The following TTC34 variants were observed in gnomAD, a reference collection of about 807,000 sequenced individuals.
The protein encoded by TTC34 is tetratricopeptide repeat protein 34.
In TTC34, 44 loss-of-function variants were observed where a neutral mutation model predicts 40.7. The observed-to-expected ratio is 1.08, with a 90% CI of 0.85 to 1.39. The LOEUF (loss-of-function observed/expected upper bound fraction) is 1.39. Ranked by LOEUF, TTC34 falls within the 40% of genes most tolerant of loss-of-function variation. The pLI is 0.00. For missense variants in TTC34, 884 were observed against 838.0 expected, an observed-to-expected ratio of 1.05 and a Z score of -0.68; for synonymous variants, 422 against 398.6, an observed-to-expected ratio of 1.06 and a Z score of -0.70.
intron 6 of TTC34, chr1:2,774,986 C>G (rs1443333151): frequency 9.1e-5 from 11 of 120,948 alleles, no homozygotes; most frequent in Non-Finnish European, 1.9e-4. Context: ...GCACCCTGCA[C>G]CCCCAGGTGA....
chr1:2,683,791 C>G (rs1464064372), intron 6 of TTC34, among the ~76,000 whole-genome samples: 1 of 145,050 alleles, frequency 6.9e-6, no homozygotes, highest in East Asian at 2.0e-4. Flanking sequence ...GCAGCACGCA[C>G]ACCCCCAGTT....
chr1:2,683,369 ATGG>A (rs1467926390), intron 6 of TTC34, among the ~76,000 whole-genome samples: 9 of 134,806 alleles, frequency 6.7e-5, no homozygotes, highest in Admixed American at 1.6e-4. Context: ...TGAGCATCTG[ATGG>A]CTTGGAACAG....
At chr1:2,677,025 C>CGT (rs1639930956) in intron 6 of TTC34, among the ~76,000 whole-genome samples, 1 of 69,312 alleles carries the variant, frequency 1.4e-5, no homozygotes, top group African/African-American at 4.6e-5. Flanking sequence ...GGCCAGCATC[C>CGT]GATAACCTGG....
In TTC34 at chr1:2,687,223, C is replaced by T. The variant is rs374005879; in HGVS notation, c.2227-41660G>A. ...CCCACACCTCCCGGCGAGCATCCGA[C>T]AGCCTGGAGCAGCACCCACACCCCC... On this transcript the variant is annotated intron_variant, in intron 6 of 8. Transcript: ENST00000401095. Among the ~76,000 whole-genome samples, 118 of 144,682 alleles carry T rather than the reference C, an allele frequency of 8.2e-4. No homozygotes were observed. In the East Asian group the frequency reaches 0.011, roughly 14 times the overall value. The allele number at this position is 144,682 out of a possible 152,430, so 94.9% of individuals were successfully genotyped here.
chr1:2,753,745 C>T (rs1472837278), intron 6 of TTC34, among the ~76,000 whole-genome samples: 9 of 75,266 alleles, frequency 1.2e-4, no homozygotes, highest in Non-Finnish European at 1.9e-4. Context: ...CACCCACAAG[C>T]GAGCATCTGA....
Position 2,645,201 on chromosome 1 carries a change from T to C in TTC34, c.2497+92A>G. On this transcript the variant is annotated intron_variant, in intron 7 of 8. Coordinates refer to ENST00000401095, the Ensembl canonical transcript of TTC34. This position sits in a 1 kb window ranked among gnomAD's most constrained non-coding sequence, Gnocchi z 4.7. ...GGAAGCTGTTGTGGTCCGGGTCTCTTTCTTCCATTTTTACAGAACAGGATA... is the reference window on the plus strand; with the variant it reads ...GGAAGCTGTTGTGGTCCGGGTCTCTCTCTTCCATTTTTACAGAACAGGATA... The C allele has an allele frequency of 2.2e-6, 3 of 1,342,224 alleles. No homozygotes were observed. In the South Asian group the frequency reaches 5.6e-5, roughly 25 times the overall value. The allele number at this position is 1,342,224 out of a possible 1,614,324, so 83.1% of individuals were successfully genotyped here.
chr1:2,649,571 C>G (rs1414120027), intron 6 of TTC34, among the ~76,000 whole-genome samples: 5 of 151,988 alleles, frequency 3.3e-5, no homozygotes, highest in African/African-American at 1.2e-4. Context: ...GATGGAGTCT[C>G]TCTCTGTCGC....
intron 6 of TTC34, among the ~76,000 whole-genome samples, chr1:2,769,616 G>A (rs1198995183): frequency 2.3e-5 from 3 of 130,206 alleles, no homozygotes; most frequent in South Asian, 5.3e-4. Flanking sequence ...TGACAGCCTG[G>A]AACAGCACCC....
At chr1:2,685,093 G>T (rs1392374205) in intron 6 of TTC34, among the ~76,000 whole-genome samples, 1 of 114,260 alleles carries the variant, frequency 8.8e-6, no homozygotes. Flanking sequence ...AGGTGTGCAC[G>T]TGACAGCTTG....
At position 2,750,393 on chromosome 1, in the gene TTC34, C is replaced by G. The variant is rs1192501910; in HGVS notation, c.2226+33216G>C. ...GAGGTGAGCATCTGACAGCCTGGAA[C>G]AGCACGCACACCCCCAGGTGCGCAC... On this transcript the variant is annotated intron_variant, in intron 6 of 8. Transcript: ENST00000401095. Among the ~76,000 whole-genome samples, 2 of 104,074 alleles carry G rather than the reference C, an allele frequency of 1.9e-5. 1 individual carries two copies. Among genetic ancestry groups the G allele is most frequent in the African/African-American group, 8.9e-5 (2 of 22,386 alleles). 68.3% of individuals were successfully genotyped at this position (104,074 alleles called of 152,430 possible).
intron 6 of TTC34, among the ~76,000 whole-genome samples, chr1:2,756,613 A>T (rs1641513818): frequency 8.0e-5 from 12 of 150,904 alleles, no homozygotes; most frequent in South Asian, 2.1e-4. Flanking sequence ...GACAGCCTGG[A>T]ACAGCACCCA....
intron 6 of TTC34, among the ~76,000 whole-genome samples, chr1:2,650,621 G>C (rs142838901): frequency 0.019 from 2,606 of 137,074 alleles, 36 homozygotes; most frequent in Middle Eastern, 0.059. Flanking sequence ...TCAGCACTTC[G>C]ACCTTCAGGT....
At chr1:2,684,405 A>C (rs370222863) in intron 6 of TTC34, among the ~76,000 whole-genome samples, 1 of 151,044 alleles carries the variant, frequency 6.6e-6, no homozygotes, top group Non-Finnish European at 1.5e-5. Flanking sequence ...CCCCCAGGTG[A>C]GCATCTGACA....
intron 6 of TTC34, among the ~76,000 whole-genome samples, chr1:2,698,970 C>A (rs572504254): frequency 1.4e-5 from 2 of 138,604 alleles, no homozygotes; most frequent in South Asian, 2.3e-4. Flanking sequence ...TCACCCTGCC[C>A]CCCCAGGTGA....
Position 2,645,582 on chromosome 1 carries a change from G to C in TTC34, c.2227-19C>G. ...CGGCTTCCTGCAAGGAGGGAGGGCG[G>C]GCGGGTGCAGAGTTGTCCTAAGTAG... On this transcript the variant is annotated intron_variant, in intron 6 of 8. Coordinates refer to ENST00000401095, the Ensembl canonical transcript of TTC34. The surrounding 1 kb of genome is among the most constrained non-coding windows in gnomAD (Gnocchi z 4.7). 7.6e-7 allele frequency: 1 copy of C among 1,322,442 alleles called. No individual in the cohort carries two copies. The highest frequency in any genetic ancestry group is 1.0e-6 in the Non-Finnish European group (1 of 997,722). The allele number at this position is 1,322,442 out of a possible 1,614,324, so 81.9% of individuals were successfully genotyped here.
intron 6 of TTC34, among the ~76,000 whole-genome samples, chr1:2,751,682 C>G (rs1396055953): frequency 7.9e-5 from 5 of 63,446 alleles, no homozygotes; most frequent in African/African-American, 4.5e-4. Flanking sequence ...GGATCAGCAC[C>G]CACAACCCCA....
At chr1:2,797,618 C>T (rs1443429214) in intron 2 of TTC34, among the ~76,000 whole-genome samples, 1 of 152,132 alleles carries the variant, frequency 6.6e-6, no homozygotes, top group Non-Finnish European at 1.5e-5. Context: ...ATCCACACAG[C>T]AGCCTTTGGG....
intron 6 of TTC34, among the ~76,000 whole-genome samples, chr1:2,753,612 C>T (rs1258966591): frequency 0.047 from 3,986 of 84,322 alleles, no homozygotes; most frequent in South Asian, 0.1. Context: ...GAGCAGCACC[C>T]CACACCCACA....
exon 9 of TTC34, chr1:2,640,436 C>G (rs898233400): frequency 1.3e-5 from 2 of 152,090 alleles, no homozygotes; most frequent in Non-Finnish European, 2.9e-5. Flanking sequence ...CCAGCAGCTT[C>G]GGGAGACAGG....
Sources: gnomAD v4.1 joint callset for allele counts (sites outside exome capture counted in the v4.1 genomes callset) on GRCh38, gnomAD v4.1.1 for gene constraint, Gnocchi (gnomAD v3.1) non-coding constraint, MANE v1.5 for transcripts, NCBI Gene and HGNC (gene_info 2026-07-23, HGNC 2026-07-21) for gene names.